The following ADAMTSL1 variants were observed in gnomAD, a reference collection of about 807,000 sequenced individuals.
The protein encoded by ADAMTSL1 is ADAMTS like 1.
A neutral mutation model predicts 201.8 loss-of-function variants in ADAMTSL1; 126 were observed. The observed-to-expected ratio is 0.62, with a 90% CI of 0.54 to 0.72. The LOEUF (loss-of-function observed/expected upper bound fraction) is 0.72. Ranked by LOEUF, ADAMTSL1 falls within the 30% of genes least tolerant of loss-of-function variation. ADAMTSL1 has a pLI of 0.00. For synonymous variants in ADAMTSL1, 1,121 were observed against 903.4 expected (o/e 1.24, Z -4.32); for missense variants, 2,679 against 2,277.8 (o/e 1.18, Z -3.59).
intron 2 of ADAMTSL1, among the ~76,000 whole-genome samples, chr9:18,440,499 T>C (rs1367813841): frequency 1.3e-5 from 2 of 151,834 alleles, no homozygotes; most frequent in Non-Finnish European, 2.9e-5. Flanking sequence ...GATGCTGTAA[T>C]TGGCCTAACA....
At chr9:18,384,300 A>G (rs1190676358) in intron 2 of ADAMTSL1, among the ~76,000 whole-genome samples, 3 of 152,100 alleles carry the variant, frequency 2.0e-5, no homozygotes, top group African/African-American at 7.2e-5. Flanking sequence ...TTAAACCGCC[A>G]TATCTCATGA....
At chr9:17,926,819 C>T (rs1047470392) in intron 1 of ADAMTSL1, among the ~76,000 whole-genome samples, 1 of 152,142 alleles carries the variant, frequency 6.6e-6, no homozygotes, top group Non-Finnish European at 1.5e-5. Context: ...TCTATGTGTA[C>T]AGAGATTCTC....
At chr9:18,089,277 C>A (rs10738500) in intron 1 of ADAMTSL1, among the ~76,000 whole-genome samples, 23,114 of 152,138 alleles carry the variant, frequency 0.15, 2,770 homozygotes, top group East Asian at 0.37. Flanking sequence ...ATGGAATACT[C>A]TGCAGCCATA....
intron 19 of ADAMTSL1, among the ~76,000 whole-genome samples, chr9:18,794,074 T>G (rs571116629): frequency 2.0e-5 from 3 of 151,958 alleles, no homozygotes; most frequent in Non-Finnish European, 4.4e-5. Context: ...TGGAATTTTC[T>G]CTCCATGACC....
chr9:17,934,932 G>C (rs560371184), intron 1 of ADAMTSL1, among the ~76,000 whole-genome samples: 393 of 147,472 alleles, frequency 2.7e-3, no homozygotes, highest in Non-Finnish European at 4.8e-3. Context: ...CTTCTGTATT[G>C]GACCTTCCCC....
intron 2 of ADAMTSL1, among the ~76,000 whole-genome samples, chr9:18,318,519 TAG>T (rs1834494968): frequency 3.9e-5 from 6 of 152,190 alleles, no homozygotes; most frequent in Non-Finnish European, 8.8e-5. Flanking sequence ...GATATTGGCT[TAG>T]AAGAACCACT....
chr9:18,824,427 A>G (rs1824404354), intron 21 of ADAMTSL1, among the ~76,000 whole-genome samples: 1 of 152,192 alleles, frequency 6.6e-6, no homozygotes, highest in Non-Finnish European at 1.5e-5. Flanking sequence ...CTGATGTGAC[A>G]AGGCTGTGGT....
At chr9:17,914,473 C>G (rs1029303304) in intron 1 of ADAMTSL1, among the ~76,000 whole-genome samples, 17 of 152,228 alleles carry the variant, frequency 1.1e-4, no homozygotes, top group East Asian at 5.8e-4. Context: ...ATTCAGCAAC[C>G]CTTCATGCTA....
At chr9:18,040,135 C>G (rs1274008194) in intron 1 of ADAMTSL1, among the ~76,000 whole-genome samples, 2 of 152,120 alleles carry the variant, frequency 1.3e-5, no homozygotes, top group East Asian at 3.9e-4. Flanking sequence ...AGGTTGAGTT[C>G]TACCATGTTC....
chr9:18,482,856 A>G (rs978227336), intron 1 of ADAMTSL1, among the ~76,000 whole-genome samples: 2 of 152,248 alleles, frequency 1.3e-5, no homozygotes, highest in African/African-American at 4.8e-5. Flanking sequence ...CGTTTTCAGA[A>G]CTAGCCGGTT....
At chr9:18,776,611 C>T (rs918106373) in intron 18 of ADAMTSL1, among the ~76,000 whole-genome samples, 170 bp from the exon 19 acceptor site, 4 of 152,314 alleles carry the variant, frequency 2.6e-5, no homozygotes, top group Admixed American at 2.6e-4. Context: ...TGGCCCCGGC[C>T]AAAATAAACC....
intron 1 of ADAMTSL1, among the ~76,000 whole-genome samples, chr9:18,031,352 T>C (rs1378011824): frequency 6.6e-6 from 1 of 152,158 alleles, no homozygotes; most frequent in Non-Finnish European, 1.5e-5. Flanking sequence ...TTTGAAGCCT[T>C]GACTGTGGTG....
chr9:18,110,211 G>T (rs561386824), intron 1 of ADAMTSL1, among the ~76,000 whole-genome samples: 2 of 152,274 alleles, frequency 1.3e-5, no homozygotes, highest in South Asian at 4.1e-4. Context: ...GCCATTGGTT[G>T]GTCTCAAATG....
At chr9:18,187,211 C>T (rs552439100) in intron 2 of ADAMTSL1, among the ~76,000 whole-genome samples, 18 of 152,234 alleles carry the variant, frequency 1.2e-4, no homozygotes, top group African/African-American at 4.1e-4. Context: ...AAGCCCTTGT[C>T]ATTATCTTCT....
intron 1 of ADAMTSL1, among the ~76,000 whole-genome samples, chr9:18,059,541 C>A (rs559595485): frequency 6.6e-6 from 1 of 151,878 alleles, no homozygotes; most frequent in African/African-American, 2.4e-5. Context: ...TTTGATAGGC[C>A]TTAGGGGATA....
intron 1 of ADAMTSL1, among the ~76,000 whole-genome samples, chr9:18,123,333 G>T (rs895230748): frequency 6.6e-6 from 1 of 152,082 alleles, no homozygotes; most frequent in Non-Finnish European, 1.5e-5. Flanking sequence ...TATTGTTTGG[G>T]TATAATTTGA....
chr9:18,184,464 G>A (rs1828643283), intron 2 of ADAMTSL1, among the ~76,000 whole-genome samples: 1 of 152,152 alleles, frequency 6.6e-6, no homozygotes, highest in Admixed American at 6.5e-5. Context: ...TCCATAGGCA[G>A]TTAAATACCT....
Position 18,586,539 on chromosome 9 carries a change from A to T in ADAMTSL1, c.474+12273A>T, listed in dbSNP as rs554195167. 1.1e-4 allele frequency among the ~76,000 whole-genome samples: 17 copies of T among 152,348 alleles called. No homozygotes were observed. In the East Asian group the frequency reaches 3.1e-3, roughly 28 times the overall value. On this transcript the variant is annotated intron_variant, in intron 4 of 28. Coordinates refer to ENST00000380548, the MANE Select transcript of ADAMTSL1 (RefSeq NM_001040272.6). ...CTGCCTAAAGCAATTTACAGATTCA[A>T]TGTTATTCCTATCAAACTACCAATG...
At chr9:18,109,688 G>A (rs1379237493) in intron 1 of ADAMTSL1, among the ~76,000 whole-genome samples, 4 of 152,134 alleles carry the variant, frequency 2.6e-5, no homozygotes, top group Non-Finnish European at 5.9e-5. Flanking sequence ...CAGCCTTTTA[G>A]ACCCCCTTTA....
Sources: gnomAD v4.1 joint callset for allele counts (sites outside exome capture counted in the v4.1 genomes callset) on GRCh38, gnomAD v4.1.1 for gene constraint, MANE v1.5 for transcripts, NCBI Gene and HGNC (gene_info 2026-07-23, HGNC 2026-07-21) for gene names.